ATG7: variants seen among roughly 807,000 people sequenced by gnomAD.
The protein encoded by ATG7 is autophagy related 7.
In ATG7, 70 loss-of-function variants were observed where a neutral mutation model predicts 82.4. That is an observed-to-expected ratio of 0.85 (90% CI 0.70 to 1.04). ATG7 has a LOEUF of 1.04. Among genes scored for constraint, ATG7 ranks in the 50% least tolerant of loss-of-function variants. ATG7 has a pLI of 0.00. For missense variants in ATG7, 792 were observed against 864.3 expected (o/e 0.92, Z 1.05); for synonymous variants, 287 against 313.0 (o/e 0.92, Z 0.88).
chr3:11,342,480 C>G (rs886465342), intron 13 of ATG7, among the ~76,000 whole-genome samples: 7 of 152,042 alleles, frequency 4.6e-5, no homozygotes, highest in African/African-American at 1.5e-4. Flanking sequence ...TCCTCCACAC[C>G]CATCGCAAGT....
intron 19 of ATG7, among the ~76,000 whole-genome samples, chr3:11,388,774 T>C (rs1231545565): frequency 6.6e-6 from 1 of 152,012 alleles, no homozygotes; most frequent in African/African-American, 2.4e-5. Flanking sequence ...CTTCATCCTC[T>C]TGCCTATACC....
chr3:11,307,598 T>C (rs1947964172), intron 6 of ATG7, among the ~76,000 whole-genome samples: 1 of 152,240 alleles, frequency 6.6e-6, no homozygotes, highest in African/African-American at 2.4e-5. Context: ...GAGTCTGTCA[T>C]AGCAAATCAC....
At chr3:11,334,093 A>T (rs990674200) in intron 11 of ATG7, among the ~76,000 whole-genome samples, 1 of 151,968 alleles carries the variant, frequency 6.6e-6, no homozygotes, top group South Asian at 2.1e-4. Flanking sequence ...CCTATGTCAA[A>T]GTCAGAGCAC....
At position 11,534,400 on chromosome 3, in the gene ATG7, G is replaced by A. The variant is rs529530942; in HGVS notation, c.2080-20411G>A. ...TCGCCTCAGAATGCTGTTGGTCTTG[G>A]AACAGAGGCCCTCAGCATCTGTCCT... On this transcript the variant is annotated intron_variant, in intron 20 of 20. Transcript: ENST00000693202. Among the ~76,000 whole-genome samples the A allele has an allele frequency of 2.0e-5, 3 of 152,356 alleles. No homozygotes were observed. In the East Asian group the frequency reaches 5.8e-4, roughly 29 times the overall value.
intron 12 of ATG7, among the ~76,000 whole-genome samples, chr3:11,341,680 T>G (rs1575572816): frequency 6.6e-6 from 1 of 152,040 alleles, no homozygotes; most frequent in Non-Finnish European, 1.5e-5. Context: ...ACTCCTGACC[T>G]CAGGTGATCC....
At position 11,474,472 on chromosome 3, in the gene ATG7, C is replaced by T. The variant is rs555196508; in HGVS notation, c.2079+47546C>T. ...AAAATTAGCTGGGCATGGTGGTGTG[C>T]GCCTGTGGTCCCAGCTACTCTGGAG... On this transcript the variant is annotated intron_variant, in intron 20 of 20. Transcript: ENST00000693202. 1.7e-4 allele frequency among the ~76,000 whole-genome samples: 26 copies of T among 152,164 alleles called. No individual in the cohort carries two copies. The South Asian group carries it at 2.9e-3, about 17-fold the overall frequency.
chr3:11,558,454 T>TTC, downstream of ATG7: 1 of 1,064,148 alleles, frequency 9.4e-7, no homozygotes, highest in Non-Finnish European at 1.3e-6. Context: ...TCCCTTCCCT[T>TTC]CCCCCCACCC....
chr3:11,340,756 T>A (rs373447881), intron 12 of ATG7, 21 bp downstream of exon 12: 4 of 1,606,382 alleles, frequency 2.5e-6, no homozygotes, highest in Non-Finnish European at 3.4e-6. Flanking sequence ...GAAGCTGTTT[T>A]CTCCAGTCGG....
At chr3:11,474,539 G>T (rs2087908911) in intron 20 of ATG7, among the ~76,000 whole-genome samples, 1 of 152,226 alleles carries the variant, frequency 6.6e-6, no homozygotes, top group Admixed American at 6.5e-5. Context: ...CTTGGAGGTT[G>T]CAGTGAGCCA....
At chr3:11,559,886 C>T (rs9848960), downstream of ATG7, among the ~76,000 whole-genome samples, 24,761 of 151,960 alleles carry the variant, frequency 0.16, 2,222 homozygotes, top group Middle Eastern at 0.24. Context: ...CTTCAATACA[C>T]GGCAATTAAC....
intron 20 of ATG7, among the ~76,000 whole-genome samples, chr3:11,455,659 G>A (rs1232580982): frequency 6.6e-6 from 1 of 152,182 alleles, no homozygotes; most frequent in African/African-American, 2.4e-5. Context: ...AATGGATTCT[G>A]CCCAGACCGG....
intron 20 of ATG7, among the ~76,000 whole-genome samples, chr3:11,487,445 C>T (rs1428021306): frequency 1.5e-5 from 1 of 68,954 alleles, no homozygotes; most frequent in Non-Finnish European, 3.3e-5. Flanking sequence ...CCGGACGGGG[C>T]GGCTGGCCGG....
chr3:11,275,236 T>A (rs562974881), intron 1 of ATG7, among the ~76,000 whole-genome samples: 82 of 152,178 alleles, frequency 5.4e-4, no homozygotes, highest in Non-Finnish European at 9.1e-4. Context: ...CTTTGACTAG[T>A]GTCTCTAATA....
At chr3:11,369,953 C>T (rs1230936784) in intron 18 of ATG7, among the ~76,000 whole-genome samples, 2 of 150,936 alleles carry the variant, frequency 1.3e-5, no homozygotes, top group Non-Finnish European at 3.0e-5. Flanking sequence ...TTTACAAAAC[C>T]AGTTGGGGCA....
chr3:11,495,439 G>A (rs1213088961), intron 20 of ATG7, among the ~76,000 whole-genome samples: 1 of 147,580 alleles, frequency 6.8e-6, no homozygotes, highest in Non-Finnish European at 1.5e-5. Flanking sequence ...CTCATACAAG[G>A]AGACAGGCTG....
chr3:11,417,819 T>G (rs1446692644), intron 19 of ATG7, among the ~76,000 whole-genome samples: 2 of 131,664 alleles, frequency 1.5e-5, no homozygotes, highest in East Asian at 4.1e-4. Context: ...TATTTTATTT[T>G]TTTTTTTTTT....
chr3:11,539,449 C>T (rs2125016435), intron 20 of ATG7, among the ~76,000 whole-genome samples: 1 of 152,230 alleles, frequency 6.6e-6, no homozygotes, highest in East Asian at 1.9e-4. Flanking sequence ...TGGCACTGAG[C>T]CGGGGAGGCC....
At chr3:11,544,549 C>G (rs2071109753) in intron 20 of ATG7, among the ~76,000 whole-genome samples, 3 of 152,176 alleles carry the variant, frequency 2.0e-5, no homozygotes, top group Admixed American at 2.0e-4. Context: ...TGGCCTGGGA[C>G]CCAGACTTCC....
rs148686046 is a variant in ATG7, at chr3:11,493,869, C to G, written c.2080-60942C>G. On this transcript the variant is annotated intron_variant, in intron 20 of 20. Transcript: ENST00000693202. ...GAAGTTGAATGGAGAGAACCCATGC[C>G]TAGAGGACTGACTTCACTGCAGATT... Among the ~76,000 whole-genome samples the G allele has an allele frequency of 1.1e-3, 168 of 152,256 alleles. 1 individual carries two copies. In the Middle Eastern group the frequency reaches 0.017, roughly 15 times the overall value.
Sources: allele counts gnomAD v4.1 joint callset (sites outside exome capture counted in the v4.1 genomes callset), GRCh38; gene constraint gnomAD v4.1.1; transcripts MANE v1.5; gene names NCBI Gene and HGNC (gene_info 2026-07-23, HGNC 2026-07-21).